The following SLC35F4 variants were observed in gnomAD, a reference collection of about 807,000 sequenced individuals.
The protein encoded by SLC35F4 is chromosome 14 open reading frame 36.
In SLC35F4, 24 loss-of-function variants were observed where a neutral mutation model predicts 44.2. That is an observed-to-expected ratio of 0.54 (90% CI 0.39 to 0.76). The LOEUF is 0.76. Ranked by LOEUF, SLC35F4 falls within the 30% of genes least tolerant of loss-of-function variation. The probability of loss-of-function intolerance (pLI) is 0.00; values close to 1 mark genes in which losing one functional copy is unlikely to be tolerated. For missense variants in SLC35F4, 562 were observed against 586.1 expected (o/e 0.96, Z 0.42); for synonymous variants, 238 against 223.6 (o/e 1.06, Z -0.57).
intron 1 of SLC35F4, among the ~76,000 whole-genome samples, chr14:57,786,668 C>T (rs1014110572): frequency 3.3e-5 from 5 of 152,240 alleles, no homozygotes; most frequent in East Asian, 3.9e-4. Context: ...AGAGAGACAA[C>T]GATCACTGCA....
At chr14:57,723,325 A>T (rs544883705) in intron 1 of SLC35F4, among the ~76,000 whole-genome samples, 1 of 152,234 alleles carries the variant, frequency 6.6e-6, no homozygotes, top group Non-Finnish European at 1.5e-5. Context: ...GGAAACAATT[A>T]GAGCTGCCTC....
intron 1 of SLC35F4, among the ~76,000 whole-genome samples, chr14:57,634,253 A>G (rs984448382): frequency 5.3e-5 from 8 of 152,226 alleles, no homozygotes; most frequent in Admixed American, 6.5e-5. Context: ...GTAAGTTGTG[A>G]TAAGTGCGGT....
chr14:57,570,035 G>C, intron 5 of SLC35F4, 55 bp from the exon 6 acceptor site: 1 of 1,490,732 alleles, frequency 6.7e-7, no homozygotes, highest in Non-Finnish European at 8.9e-7. Flanking sequence ...GAGCAGAAAC[G>C]TAAGTCTTAC....
At chr14:57,683,391 G>T (rs1012990532) in intron 1 of SLC35F4, among the ~76,000 whole-genome samples, 4 of 152,168 alleles carry the variant, frequency 2.6e-5, no homozygotes, top group Admixed American at 1.3e-4. Flanking sequence ...TTAAAAGCTG[G>T]GTTAAGTTTT....
chr14:57,791,954 G>T (rs192260671), intron 1 of SLC35F4, among the ~76,000 whole-genome samples: 3 of 151,768 alleles, frequency 2.0e-5, no homozygotes, highest in African/African-American at 7.3e-5. Context: ...TCACACACTG[G>T]GGCTTGTTGG....
chr14:57,923,756 C>G (rs1361374020), intron 1 of SLC35F4, among the ~76,000 whole-genome samples: 1 of 152,184 alleles, frequency 6.6e-6, no homozygotes, highest in Non-Finnish European at 1.5e-5. Flanking sequence ...ATTGAGCTAC[C>G]CATCTGAGGA....
At chr14:57,757,643 T>G (rs903530525) in intron 1 of SLC35F4, among the ~76,000 whole-genome samples, 1 of 152,164 alleles carries the variant, frequency 6.6e-6, no homozygotes, top group African/African-American at 2.4e-5. Context: ...TACTAAGAAC[T>G]TTACAATAAT....
intron 5 of SLC35F4, among the ~76,000 whole-genome samples, chr14:57,570,421 G>A (rs1386466397): frequency 6.6e-6 from 1 of 152,178 alleles, no homozygotes; most frequent in East Asian, 1.9e-4. Context: ...GTTGTTGAGA[G>A]AAATAGTATT....
intron 1 of SLC35F4, among the ~76,000 whole-genome samples, chr14:57,696,172 A>C (rs567382255): frequency 8.5e-5 from 13 of 152,342 alleles, no homozygotes; most frequent in Admixed American, 6.5e-4. Flanking sequence ...AAATTTTTGC[A>C]ATCTATCCTT....
chr14:57,756,881 C>T (rs1396012497), intron 1 of SLC35F4, among the ~76,000 whole-genome samples: 5 of 151,824 alleles, frequency 3.3e-5, no homozygotes, highest in African/African-American at 7.3e-5. Context: ...AAGCTGATCT[C>T]GAACTCCTGA....
At chr14:57,630,050 C>T (rs2072690174) in intron 1 of SLC35F4, 1 of 538,502 alleles carries the variant, frequency 1.9e-6, no homozygotes, top group Admixed American at 1.9e-5. Context: ...ATTCGCTGTC[C>T]AAGAGGATTT....
chr14:57,605,193 T>C (rs2140005890), intron 1 of SLC35F4, among the ~76,000 whole-genome samples: 1 of 152,102 alleles, frequency 6.6e-6, no homozygotes, highest in Non-Finnish European at 1.5e-5. Flanking sequence ...TTGGAGAAAA[T>C]ATCCACAAAC....
intron 1 of SLC35F4, among the ~76,000 whole-genome samples, chr14:57,949,365 G>A (rs937423352): frequency 2.0e-5 from 3 of 152,076 alleles, no homozygotes; most frequent in Non-Finnish European, 4.4e-5. Context: ...CACTTTTGGT[G>A]GCTGTTTGCA....
At chr14:57,591,461 A>G (rs2139906880) in intron 2 of SLC35F4, among the ~76,000 whole-genome samples, 1 of 152,342 alleles carries the variant, frequency 6.6e-6, no homozygotes, top group Non-Finnish European at 1.5e-5. Flanking sequence ...GAGTAGAAGG[A>G]AAACTAGGAT....
At chr14:57,930,034 C>T (rs1053573016) in intron 1 of SLC35F4, among the ~76,000 whole-genome samples, 1 of 152,164 alleles carries the variant, frequency 6.6e-6, no homozygotes, top group African/African-American at 2.4e-5. Flanking sequence ...CCATATTTTT[C>T]ACCTCTAAAA....
chr14:57,788,152 C>T (rs919755684), intron 1 of SLC35F4, among the ~76,000 whole-genome samples: 1 of 152,100 alleles, frequency 6.6e-6, no homozygotes, highest in African/African-American at 2.4e-5. Context: ...AAAGCAACAG[C>T]AGTTAAAAGA....
intron 1 of SLC35F4, among the ~76,000 whole-genome samples, chr14:57,697,282 CTT>C (rs1467986415): frequency 6.6e-6 from 1 of 151,984 alleles, no homozygotes; most frequent in Non-Finnish European, 1.5e-5. Context: ...TTTCAAATGT[CTT>C]TTTGTTATTT....
At chr14:57,742,141 C>T (rs553625879) in intron 1 of SLC35F4, among the ~76,000 whole-genome samples, 8 of 152,084 alleles carry the variant, frequency 5.3e-5, no homozygotes, top group South Asian at 2.1e-4. Flanking sequence ...AAAGACCATC[C>T]AGGCTAGGAA....
intron 1 of SLC35F4, among the ~76,000 whole-genome samples, chr14:57,753,162 G>A (rs1211737707): frequency 3.9e-5 from 6 of 152,292 alleles, no homozygotes; most frequent in Admixed American, 6.5e-5. Flanking sequence ...TTTCTTGGGT[G>A]TTCTGGTAGT....
Sources: allele counts gnomAD v4.1 joint callset (sites outside exome capture counted in the v4.1 genomes callset), GRCh38; gene constraint gnomAD v4.1.1; transcripts MANE v1.5; gene names NCBI Gene and HGNC (gene_info 2026-07-23, HGNC 2026-07-21).